NAA50: variants seen among roughly 807,000 people sequenced by gnomAD.
The protein encoded by NAA50 is N-alpha-acetyltransferase 50.
In NAA50, 7 loss-of-function variants were observed where a neutral mutation model predicts 20.7. That is an observed-to-expected ratio of 0.34 (90% CI 0.19 to 0.63). NAA50 has a LOEUF of 0.63. Among genes scored for constraint, NAA50 ranks in the 30% least tolerant of loss-of-function variants. The probability of loss-of-function intolerance (pLI) is 0.75; values close to 1 mark genes in which losing one functional copy is unlikely to be tolerated. For synonymous variants in NAA50, 54 were observed against 70.6 expected, an observed-to-expected ratio of 0.77 and a Z score of 1.18; for missense variants, 111 against 199.1, an observed-to-expected ratio of 0.56 and a Z score of 2.66.
At chr3:113,726,996 T>C (rs1412354467) in intron 1 of NAA50, among the ~76,000 whole-genome samples, 1 of 152,218 alleles carries the variant, frequency 6.6e-6, no homozygotes, top group East Asian at 1.9e-4. Flanking sequence ...TTCACCATGT[T>C]GCCCAGGCTG....
chr3:113,732,723 A>G (rs1027727104), intron 1 of NAA50, among the ~76,000 whole-genome samples: 6 of 152,186 alleles, frequency 3.9e-5, no homozygotes, highest in African/African-American at 1.2e-4. Flanking sequence ...TTTCTAACTT[A>G]GCTCACATGC....
Position 113,719,140 on chromosome 3 carries a change from A to C in NAA50, c.*2620T>G, listed in dbSNP as rs1441827561. On this transcript the variant is annotated 3_prime_UTR_variant, in exon 5 of 5. Coordinates refer to ENST00000240922, the MANE Select transcript of NAA50 (RefSeq NM_025146.4). Reference sequence around the variant, plus strand: ...AAAACTGAGGGAGCTTTTCTTTTCCACCACCACACCATGGTTTCCCAATAG... The same window carrying C: ...AAAACTGAGGGAGCTTTTCTTTTCCCCCACCACACCATGGTTTCCCAATAG... 6.6e-6 allele frequency: 1 copy of C among 152,552 alleles called. No individual in the cohort carries two copies. Among genetic ancestry groups the C allele is most frequent in the Non-Finnish European group, 1.5e-5 (1 of 68,016 alleles). 9.4% of individuals were successfully genotyped at this position (152,552 alleles called of 1,614,324 possible). A position where few individuals can be genotyped will look rare whatever the true frequency, so the allele number is the denominator to read the frequency against.
intron 3 of NAA50, 82 bp from the exon 4 acceptor site, chr3:113,723,054 A>G: frequency 2.1e-6 from 3 of 1,417,818 alleles, no homozygotes; most frequent in East Asian, 2.6e-5. Context: ...CATCTGAACT[A>G]CTTATTGAGT....
chr3:113,719,696 A>AT lies in NAA50; in HGVS notation c.*2063dup, dbSNP rs1359387763. The AT allele has an allele frequency of 2.0e-5, 3 of 152,508 alleles. No individual in the cohort carries two copies. Among genetic ancestry groups the AT allele is most frequent in the African/African-American group, 4.8e-5 (2 of 41,418 alleles). 9.4% of individuals were successfully genotyped at this position (152,508 alleles called of 1,614,324 possible). On this transcript the variant is annotated 3_prime_UTR_variant, in exon 5 of 5. Coordinates refer to ENST00000240922, the MANE Select transcript of NAA50 (RefSeq NM_025146.4). Reference sequence around the variant, plus strand: ...CTACACACTCAATTCAAAATTTAATATTTTTTCCTCCTTAAATAACATGTA... The same window carrying AT: ...CTACACACTCAATTCAAAATTTAATATTTTTTTCCTCCTTAAATAACATGTA...
chr3:113,726,833 C>T (rs549363703), intron 1 of NAA50, among the ~76,000 whole-genome samples: 64 of 151,958 alleles, frequency 4.2e-4, no homozygotes, highest in African/African-American at 1.5e-3. Context: ...TTTTTTGAGA[C>T]AGGGTTGCTC....
chr3:113,733,683 C>T (rs777732562), intron 1 of NAA50, among the ~76,000 whole-genome samples: 1 of 151,646 alleles, frequency 6.6e-6, no homozygotes, highest in Non-Finnish European at 1.5e-5. Context: ...GAAACCCCAT[C>T]TCTACTAAAA....
Position 113,743,899 on chromosome 3 carries a change from T to C in NAA50, c.8+2043A>G, listed in dbSNP as rs750830843. Among the ~76,000 whole-genome samples, 8 of 152,180 alleles carry C rather than the reference T, an allele frequency of 5.3e-5. No homozygotes were observed. The South Asian group carries it at 1.4e-3, about 28-fold the overall frequency. ...CATGAATATATTAATTCAAGGTAGATTGTGAATAATATGACTGTTCAGCTT... is the reference window on the plus strand; with the variant it reads ...CATGAATATATTAATTCAAGGTAGACTGTGAATAATATGACTGTTCAGCTT... On this transcript the variant is annotated intron_variant, in intron 1 of 4. Coordinates refer to ENST00000240922, the MANE Select transcript of NAA50 (RefSeq NM_025146.4).
In NAA50 at chr3:113,719,990, G is replaced by A. The variant is rs748253046; in HGVS notation, c.*1770C>T. ...ATTCATGAAGATAAAGGTGCTTAAC[G>A]CTAAACTTTTCTTCTAAGCTTAGAT... On this transcript the variant is annotated 3_prime_UTR_variant, in exon 5 of 5. Coordinates refer to ENST00000240922, the MANE Select transcript of NAA50 (RefSeq NM_025146.4). The A allele has an allele frequency of 3.3e-5, 5 of 152,568 alleles. No homozygotes were observed. The highest frequency in any genetic ancestry group is 5.9e-5 in the Non-Finnish European group (4 of 68,012). The allele number at this position is 152,568 out of a possible 1,614,324, so 9.5% of individuals were successfully genotyped here. A position where few individuals can be genotyped will look rare whatever the true frequency, so the allele number is the denominator to read the frequency against.
intron 1 of NAA50, 147 bp downstream of exon 1, chr3:113,745,795 G>C: frequency 1.0e-6 from 1 of 994,812 alleles, no homozygotes; most frequent in Non-Finnish European, 1.4e-6. Context: ...CGCCCCCTCC[G>C]GGAGCCGAGG....
chr3:113,719,981 G>A lies in NAA50; in HGVS notation c.*1779C>T, dbSNP rs1708113109. On this transcript the variant is annotated 3_prime_UTR_variant, in exon 5 of 5. Transcript: ENST00000240922. ...CTGAAGCTTATTCATGAAGATAAAGGTGCTTAACGCTAAACTTTTCTTCTA... is the reference window on the plus strand; with the variant it reads ...CTGAAGCTTATTCATGAAGATAAAGATGCTTAACGCTAAACTTTTCTTCTA... 6.6e-6 allele frequency: 1 copy of A among 152,592 alleles called. No homozygotes were observed. Among genetic ancestry groups the A allele is most frequent in the Admixed American group, 6.5e-5 (1 of 15,282 alleles). 9.5% of individuals were successfully genotyped at this position (152,592 alleles called of 1,614,324 possible). A position where few individuals can be genotyped will look rare whatever the true frequency, so the allele number is the denominator to read the frequency against.
intron 1 of NAA50, among the ~76,000 whole-genome samples, chr3:113,742,099 T>A (rs1255467985): frequency 1.3e-5 from 2 of 152,224 alleles, no homozygotes; most frequent in African/African-American, 4.8e-5. Flanking sequence ...CATTACAAAG[T>A]ATTTGTTAAA....
In NAA50 at chr3:113,721,069, A is replaced by G. The variant is rs1236312042; in HGVS notation, c.*691T>C. The G allele has an allele frequency of 6.6e-6, 1 of 152,660 alleles. No individual in the cohort carries two copies. Among genetic ancestry groups the G allele is most frequent in the Non-Finnish European group, 1.5e-5 (1 of 68,048 alleles). 9.5% of individuals were successfully genotyped at this position (152,660 alleles called of 1,614,324 possible). A position where few individuals can be genotyped will look rare whatever the true frequency, so the allele number is the denominator to read the frequency against. ...CCACTAGTAACAATCAACAGCAGGA[A>G]AAACAAACCTGCTAACAACCAGCCC... On this transcript the variant is annotated 3_prime_UTR_variant, in exon 5 of 5. Transcript: ENST00000240922.
At chr3:113,735,037 G>A (rs1708321743) in intron 1 of NAA50, among the ~76,000 whole-genome samples, 1 of 152,156 alleles carries the variant, frequency 6.6e-6, no homozygotes, top group African/African-American at 2.4e-5. Context: ...TGCTTTGACA[G>A]CTATTTCCTG....
At chr3:113,741,967 A>G (rs1301177995) in intron 1 of NAA50, among the ~76,000 whole-genome samples, 1 of 152,230 alleles carries the variant, frequency 6.6e-6, no homozygotes, top group Non-Finnish European at 1.5e-5. Flanking sequence ...AATAAATTTT[A>G]TTATAAATTA....
intron 1 of NAA50, among the ~76,000 whole-genome samples, chr3:113,743,858 A>G (rs2107997235): frequency 6.6e-6 from 1 of 152,344 alleles, no homozygotes; most frequent in Middle Eastern, 3.4e-3. Flanking sequence ...CCCATTTTAA[A>G]CAGAGATAAT....
At chr3:113,736,143 C>T (rs1005653293) in intron 1 of NAA50, among the ~76,000 whole-genome samples, 4 of 152,190 alleles carry the variant, frequency 2.6e-5, no homozygotes, top group African/African-American at 7.2e-5. Flanking sequence ...TACAGCCCTA[C>T]CTGTAGAAAA....
intron 2 of NAA50, 173 bp from the exon 3 acceptor site, chr3:113,723,714 A>G: frequency 1.2e-6 from 1 of 842,884 alleles, no homozygotes; most frequent in African/African-American, 1.7e-5. Context: ...AGCCTCCTCT[A>G]GAGTATAGCT....
chr3:113,722,917 G>A lies in NAA50; in HGVS notation c.321C>T (p.Asp107=), dbSNP rs1266028549. The A allele has an allele frequency of 6.5e-7, 1 of 1,536,552 alleles. No individual in the cohort carries two copies. The highest frequency in any genetic ancestry group is 2.3e-5 in the East Asian group (1 of 42,962). ...LNICEKDGTF[D]NIYLHVQISN... ...ATTATTTTACTTACAGATAAATGTTGTCAAAAGTACCATCTTTTTCACAGA... is the reference window on the plus strand; with the variant it reads ...ATTATTTTACTTACAGATAAATGTTATCAAAAGTACCATCTTTTTCACAGA... The change falls in exon 4 of 5, where the codon GAC becomes GAT. Residue 107 remains aspartate, a synonymous_variant. Coordinates refer to ENST00000240922, the MANE Select transcript of NAA50 (RefSeq NM_025146.4).
intron 4 of NAA50, among the ~76,000 whole-genome samples, chr3:113,722,400 A>G (rs1423934140): frequency 6.6e-6 from 1 of 152,116 alleles, no homozygotes; most frequent in Admixed American, 6.6e-5. Flanking sequence ...GTATAATTCA[A>G]TCTCTCACAT....
Sources: gnomAD v4.1 joint callset for allele counts (sites outside exome capture counted in the v4.1 genomes callset) on GRCh38, gnomAD v4.1.1 for gene constraint, MANE v1.5 for transcripts, NCBI Gene and HGNC (gene_info 2026-07-23, HGNC 2026-07-21) for gene names.